VPS35L: variants seen among roughly 807,000 people sequenced by gnomAD.
VPS35L encodes VPS35 endosomal protein-sorting factor-like.
Under a neutral mutation model 133.0 loss-of-function variants are expected in VPS35L, and 83 were observed. The observed-to-expected ratio is 0.62, with a 90% CI of 0.52 to 0.75. The LOEUF (loss-of-function observed/expected upper bound fraction) is 0.75. Ranked by LOEUF, VPS35L falls within the 30% of genes least tolerant of loss-of-function variation. VPS35L has a pLI of 0.00. For synonymous variants in VPS35L, 423 were observed against 449.9 expected, an observed-to-expected ratio of 0.94 and a Z score of 0.76; for missense variants, 1,083 against 1,206.8, an observed-to-expected ratio of 0.90 and a Z score of 1.52.
At chr16:19,651,837 A>C (rs1417388693) in intron 25 of VPS35L, 139 bp from the exon 26 acceptor site, 1 of 687,628 alleles carries the variant, frequency 1.5e-6, no homozygotes, top group African/African-American at 1.8e-5. Context: ...AGAGTTGTAC[A>C]AGAGGGGAAA....
intron 20 of VPS35L, among the ~76,000 whole-genome samples, chr16:19,638,113 G>A (rs906315469): frequency 1.3e-5 from 2 of 152,148 alleles, no homozygotes; most frequent in East Asian, 1.9e-4. Flanking sequence ...AATATCCTGC[G>A]ATGTCTGTTC....
intron 26 of VPS35L, among the ~76,000 whole-genome samples, chr16:19,658,399 G>A (rs1355007461): frequency 6.6e-6 from 1 of 152,156 alleles, no homozygotes; most frequent in Non-Finnish European, 1.5e-5. Flanking sequence ...CAGTAGTGGT[G>A]TGTGCCTGTA....
At chr16:19,646,605 C>G (rs1211136074) in intron 23 of VPS35L, among the ~76,000 whole-genome samples, 3 of 151,286 alleles carry the variant, frequency 2.0e-5, no homozygotes, top group Non-Finnish European at 4.4e-5. Context: ...GCAGAGGTTG[C>G]GGTGAGCCAA....
At chr16:19,665,021 A>G (rs1211949069) in intron 26 of VPS35L, among the ~76,000 whole-genome samples, 1 of 151,824 alleles carries the variant, frequency 6.6e-6, no homozygotes, top group Non-Finnish European at 1.5e-5. Context: ...GACAATATAT[A>G]TTTTTTCCTT....
intron 26 of VPS35L, 149 bp from the exon 27 acceptor site, chr16:19,669,011 G>C (rs911456696): frequency 1.6e-6 from 1 of 619,658 alleles, no homozygotes; most frequent in Non-Finnish European, 2.6e-6. Context: ...GCTCCATCAT[G>C]GTTTGCAGAA....
chr16:19,609,091 T>C, intron 11 of VPS35L, 70 bp downstream of exon 11: 2 of 1,332,944 alleles, frequency 1.5e-6, no homozygotes, highest in Non-Finnish European at 2.2e-6. Context: ...CAGATAGTAA[T>C]GGCAATGTAA....
At chr16:19,670,402 C>A in intron 27 of VPS35L, among the ~76,000 whole-genome samples, 1 of 152,316 alleles carries the variant, frequency 6.6e-6, no homozygotes, top group South Asian at 2.1e-4. Flanking sequence ...TCCAGCTCTG[C>A]GTTCTTGGGC....
intron 28 of VPS35L, among the ~76,000 whole-genome samples, chr16:19,684,992 C>T (rs1975408409): frequency 6.7e-6 from 1 of 149,516 alleles, no homozygotes; most frequent in Admixed American, 6.7e-5. Context: ...CAGGAGGCTG[C>T]AGTGAGCCAA....
chr16:19,603,025 A>G (rs1972434475), intron 9 of VPS35L, among the ~76,000 whole-genome samples: 1 of 152,024 alleles, frequency 6.6e-6, no homozygotes, highest in Non-Finnish European at 1.5e-5. Flanking sequence ...TCAGCCTCCC[A>G]AAGTGCTGGG....
At chr16:19,664,398 T>G (rs1974593291) in intron 26 of VPS35L, among the ~76,000 whole-genome samples, 1 of 151,984 alleles carries the variant, frequency 6.6e-6, no homozygotes, top group South Asian at 2.1e-4. Flanking sequence ...AATTGCTGTG[T>G]GGAAAGAACC....
At chr16:19,671,895 ACT>A (rs1268431692) in intron 27 of VPS35L, among the ~76,000 whole-genome samples, 1 of 152,166 alleles carries the variant, frequency 6.6e-6, no homozygotes, top group African/African-American at 2.4e-5. Context: ...GGAATCTCAG[ACT>A]CTTGTTAAAA....
chr16:19,681,935 G>T (rs1975294552), intron 27 of VPS35L, among the ~76,000 whole-genome samples: 1 of 152,088 alleles, frequency 6.6e-6, no homozygotes. Context: ...TTTGGAAACA[G>T]GCCATTAAGC....
chr16:19,689,988 T>C (rs911319011), intron 28 of VPS35L, among the ~76,000 whole-genome samples: 4 of 152,066 alleles, frequency 2.6e-5, no homozygotes, highest in African/African-American at 9.7e-5. Flanking sequence ...TCATAGCTCA[T>C]TGCAGCCACC....
chr16:19,573,028 G>A, intron 3 of VPS35L, 91 bp from the exon 4 acceptor site: 1 of 1,386,580 alleles, frequency 7.2e-7, no homozygotes, highest in Non-Finnish European at 9.8e-7. Flanking sequence ...TTATTCCACA[G>A]TAAAGGACTA....
intron 1 of VPS35L, among the ~76,000 whole-genome samples, chr16:19,557,340 T>A (rs1169619855): frequency 6.6e-6 from 1 of 152,174 alleles, no homozygotes; most frequent in Non-Finnish European, 1.5e-5. Context: ...GCCATAACGC[T>A]TTTAGTATTT....
chr16:19,591,742 A>G (rs1597337290), intron 7 of VPS35L, 48 bp from the exon 8 acceptor site: 1 of 1,413,730 alleles, frequency 7.1e-7, no homozygotes, highest in Non-Finnish European at 1.0e-6. Context: ...TGTCCTACCC[A>G]TACCAGACAT....
rs938054659 is a variant in VPS35L at position 19,664,792 on chromosome 16, C to T, written c.2222-4368C>T. Among the ~76,000 whole-genome samples, 6 of 151,416 alleles carry T rather than the reference C, an allele frequency of 4.0e-5. No homozygotes were observed. In the South Asian group the frequency reaches 6.3e-4, roughly 16 times the overall value. On this transcript the variant is annotated intron_variant, in intron 26 of 30. Coordinates refer to ENST00000417362, the MANE Select transcript of VPS35L (RefSeq NM_020314.7). ...GCATGTGCCTGTAGTCTTAGCTACT[C>T]GGGAGGCTGAGGCAGGAGAATCGCT... is the stretch of plus-strand genomic sequence containing the variant.
At chr16:19,654,185 C>G (rs1031808642) in intron 26 of VPS35L, among the ~76,000 whole-genome samples, 3 of 152,110 alleles carry the variant, frequency 2.0e-5, no homozygotes, top group African/African-American at 7.2e-5. Flanking sequence ...CAGCTCCTTA[C>G]GGAGGCCTCT....
chr16:19,697,542 T>A (rs552395550), intron 29 of VPS35L, among the ~76,000 whole-genome samples: 11 of 151,744 alleles, frequency 7.2e-5, no homozygotes, highest in Non-Finnish European at 1.6e-4. Flanking sequence ...AATTCTCACT[T>A]GGGAAAGGAC....
Sources: allele counts gnomAD v4.1 joint callset (sites outside exome capture counted in the v4.1 genomes callset), GRCh38; gene constraint gnomAD v4.1.1; transcripts MANE v1.5; gene names NCBI Gene and HGNC (gene_info 2026-07-23, HGNC 2026-07-21).